BICC1: variants seen among roughly 807,000 people sequenced by gnomAD.
BICC1 encodes protein bicaudal C homolog 1.
In BICC1, 43 loss-of-function variants were observed where a neutral mutation model predicts 111.0. That is an observed-to-expected ratio of 0.39 (90% CI 0.30 to 0.50). BICC1 has a LOEUF of 0.50. Ranked by LOEUF, BICC1 falls within the 20% of genes least tolerant of loss-of-function variation. The pLI, the probability that BICC1 is intolerant of heterozygous loss-of-function variation, is 0.88. For synonymous variants in BICC1, 467 were observed against 434.4 expected, an observed-to-expected ratio of 1.07 and a Z score of -0.93; for missense variants, 1,091 against 1,203.2, an observed-to-expected ratio of 0.91 and a Z score of 1.38.
At chr10:58,824,459 T>C (rs944940912) in intron 20 of BICC1, among the ~76,000 whole-genome samples, 20 of 152,154 alleles carry the variant, frequency 1.3e-4, no homozygotes, top group Non-Finnish European at 2.2e-4. Flanking sequence ...TTTGACCATA[T>C]AGGGGCAGGC....
At chr10:58,827,490 C>T (rs1394362986) in intron 20 of BICC1, among the ~76,000 whole-genome samples, 4 of 152,124 alleles carry the variant, frequency 2.6e-5, no homozygotes, top group Non-Finnish European at 4.4e-5. Flanking sequence ...ATTTCAATAT[C>T]AGATCTTGGA....
chr10:58,688,211 C>T (rs778993009), intron 2 of BICC1, among the ~76,000 whole-genome samples: 3 of 152,000 alleles, frequency 2.0e-5, no homozygotes, highest in Admixed American at 1.3e-4. Flanking sequence ...AGTGGGTTGC[C>T]GCTGCTGGCT....
At chr10:58,526,655 A>G (rs1275395444) in intron 1 of BICC1, among the ~76,000 whole-genome samples, 2 of 151,898 alleles carry the variant, frequency 1.3e-5, no homozygotes, top group Non-Finnish European at 2.9e-5. Flanking sequence ...TTCAATTCCC[A>G]CCTAAGAGTG....
intron 1 of BICC1, among the ~76,000 whole-genome samples, chr10:58,578,370 C>G (rs916394937): frequency 5.9e-5 from 9 of 152,072 alleles, no homozygotes; most frequent in Non-Finnish European, 7.4e-5. Flanking sequence ...TGTGATCTAC[C>G]TTTGTCTTTT....
At chr10:58,751,225 C>T (rs1464602771) in intron 3 of BICC1, among the ~76,000 whole-genome samples, 1 of 152,040 alleles carries the variant, frequency 6.6e-6, no homozygotes, top group Non-Finnish European at 1.5e-5. Flanking sequence ...TTTTAAATCA[C>T]CCATGCCTGT....
chr10:58,666,641 T>G (rs973973020), intron 2 of BICC1, among the ~76,000 whole-genome samples: 4 of 152,266 alleles, frequency 2.6e-5, no homozygotes, highest in Middle Eastern at 3.4e-3. Context: ...AAATCAGCAT[T>G]TATTAGCTGT....
At chr10:58,699,808 C>T (rs1261851546) in intron 2 of BICC1, among the ~76,000 whole-genome samples, 1 of 152,116 alleles carries the variant, frequency 6.6e-6, no homozygotes, top group Non-Finnish European at 1.5e-5. Context: ...GGTCCTCCTG[C>T]TCCAGCCTCC....
chr10:58,551,644 C>T (rs1421018718), intron 1 of BICC1, among the ~76,000 whole-genome samples: 1 of 152,126 alleles, frequency 6.6e-6, no homozygotes, highest in Non-Finnish European at 1.5e-5. Flanking sequence ...CTTCCTAATT[C>T]CACACCTCTC....
intron 1 of BICC1, among the ~76,000 whole-genome samples, chr10:58,522,286 C>T (rs1842412458): frequency 6.6e-6 from 1 of 151,880 alleles, no homozygotes; most frequent in Non-Finnish European, 1.5e-5. Context: ...ACACACTTTT[C>T]ATTGTAGAAA....
chr10:58,670,236 C>T (rs1484056340), intron 2 of BICC1, among the ~76,000 whole-genome samples: 1 of 152,152 alleles, frequency 6.6e-6, no homozygotes, highest in Non-Finnish European at 1.5e-5. Context: ...TATCCCTACA[C>T]TTCACCTCAT....
chr10:58,682,733 A>AT (rs1418254155), intron 2 of BICC1, among the ~76,000 whole-genome samples: 7 of 151,010 alleles, frequency 4.6e-5, no homozygotes, highest in Admixed American at 6.6e-5. Flanking sequence ...GGGTTGTTTG[A>AT]TTTTTTCTTG....
At chr10:58,718,742 A>AT (rs1554824845) in intron 3 of BICC1, among the ~76,000 whole-genome samples, 3 of 148,448 alleles carry the variant, frequency 2.0e-5, no homozygotes, top group Non-Finnish European at 4.5e-5. Context: ...TAGCATGGAA[A>AT]TGTGTGTGTG....
chr10:58,635,336 G>A (rs890641770), intron 2 of BICC1, among the ~76,000 whole-genome samples: 4 of 152,176 alleles, frequency 2.6e-5, no homozygotes, highest in African/African-American at 9.7e-5. Flanking sequence ...TATGTAATTT[G>A]TGGCACTTCC....
At chr10:58,683,407 A>G (rs187697313) in intron 2 of BICC1, among the ~76,000 whole-genome samples, 2 of 151,880 alleles carry the variant, frequency 1.3e-5, no homozygotes, top group Non-Finnish European at 2.9e-5. Flanking sequence ...TAGTTTTGCA[A>G]TTCTGTGAAG....
In BICC1 at chr10:58,515,978, A is replaced by G. The variant is rs1304322572; in HGVS notation, c.190+2645A>G. On this transcript the variant is annotated intron_variant, in intron 1 of 20. Transcript: ENST00000373886. ...GGGAACAAAATAATTTTGCAGGTTC[A>G]TAATTGCAGAAGTAAAATAGAAACT... Among the ~76,000 whole-genome samples, 3 of 152,250 alleles carry G rather than the reference A, an allele frequency of 2.0e-5. No individual in the cohort carries two copies. The East Asian group carries it at 5.8e-4, about 29-fold the overall frequency.
chr10:58,662,268 G>A (rs1838868428), intron 2 of BICC1, among the ~76,000 whole-genome samples: 2 of 152,144 alleles, frequency 1.3e-5, no homozygotes, highest in South Asian at 4.1e-4. Flanking sequence ...TTAGAATAAT[G>A]TTAAAAAACA....
chr10:58,546,207 C>G (rs1843133881), intron 1 of BICC1, among the ~76,000 whole-genome samples: 1 of 152,152 alleles, frequency 6.6e-6, no homozygotes. Flanking sequence ...CCAGGAGTAA[C>G]AGGATGGAAG....
Position 58,580,134 on chromosome 10 carries a change from C to T in BICC1, c.191-40721C>T, listed in dbSNP as rs543089372. Reference sequence around the variant, plus strand: ...TCACCTCCTGGCTTCAAGTGATTCTCCTGCCTCAGCTTCCCAGTAGCTGGG... The same window carrying T: ...TCACCTCCTGGCTTCAAGTGATTCTTCTGCCTCAGCTTCCCAGTAGCTGGG... On this transcript the variant is annotated intron_variant, in intron 1 of 20. Transcript: ENST00000373886. Among the ~76,000 whole-genome samples the T allele has an allele frequency of 3.3e-5, 5 of 152,048 alleles. No homozygotes were observed. In the East Asian group the frequency reaches 7.8e-4, roughly 24 times the overall value.
At chr10:58,613,959 TTTTA>T (rs1239233355) in intron 1 of BICC1, among the ~76,000 whole-genome samples, 1 of 152,208 alleles carries the variant, frequency 6.6e-6, no homozygotes, top group Non-Finnish European at 1.5e-5. Flanking sequence ...GAGCATTTTA[TTTTA>T]TTTATCTTAT....
Sources: gnomAD v4.1 joint callset for allele counts (sites outside exome capture counted in the v4.1 genomes callset) on GRCh38, gnomAD v4.1.1 for gene constraint, MANE v1.5 for transcripts, NCBI Gene and HGNC (gene_info 2026-07-23, HGNC 2026-07-21) for gene names.